DNAAF6: variants seen among roughly 807,000 people sequenced by gnomAD.
DNAAF6 encodes PIH1 domain containing 3.
In DNAAF6, 3 loss-of-function variants were observed where a neutral mutation model predicts 13.7. The observed-to-expected ratio is 0.22, with a 90% CI of 0.10 to 0.56. The LOEUF is 0.56. DNAAF6 is among the 20% of genes least tolerant of loss of function. The pLI is 0.92. For missense variants in DNAAF6, 130 were observed against 151.0 expected (o/e 0.86, Z 0.73); for synonymous variants, 54 against 49.2 (o/e 1.10, Z -0.41).
chrX:107,231,280 C>T (rs918629527), intron 5 of DNAAF6, among the ~76,000 whole-genome samples: 3 of 111,341 alleles, frequency 2.7e-5, no homozygotes, highest in Non-Finnish European at 5.6e-5. Flanking sequence ...AACAATTGAA[C>T]TCATGGACAT....
intron 5 of DNAAF6, among the ~76,000 whole-genome samples, chrX:107,238,395 G>T (rs1368954594): frequency 9.0e-6 from 1 of 111,026 alleles, no homozygotes; most frequent in Non-Finnish European, 1.9e-5. Context: ...TTGTCCTTTT[G>T]GGGAGGTGGG....
chrX:107,232,301 T>C (rs1928421516), intron 5 of DNAAF6, among the ~76,000 whole-genome samples: 1 of 109,960 alleles, frequency 9.1e-6, no homozygotes, highest in Non-Finnish European at 1.9e-5. Context: ...CTTGTGGCTT[T>C]CCACAACTTA....
At chrX:107,213,251 T>C (rs189491936) in intron 2 of DNAAF6, among the ~76,000 whole-genome samples, 1 of 112,264 alleles carries the variant, frequency 8.9e-6, no homozygotes, top group African/African-American at 3.2e-5. Context: ...AGGAAAATAG[T>C]TCTGTAACTG....
At chrX:107,243,061 G>GT in intron 6 of DNAAF6, 108 bp from the exon 7 acceptor site, 1 of 841,985 alleles carries the variant, frequency 1.2e-6, no homozygotes. Context: ...AATATTGGGG[G>GT]GGGGTTGTTT....
intron 4 of DNAAF6, among the ~76,000 whole-genome samples, chrX:107,222,479 A>G (rs756891946): frequency 3.6e-5 from 4 of 110,931 alleles, no homozygotes; most frequent in Non-Finnish European, 7.6e-5. Context: ...AGTTCCCTCA[A>G]TCTATTTTAT....
chrX:107,219,124 TC>T (rs762970033), intron 4 of DNAAF6, among the ~76,000 whole-genome samples, 155 bp downstream of exon 4: 1 of 112,368 alleles, frequency 8.9e-6, no homozygotes, highest in Non-Finnish European at 1.9e-5. Context: ...ATTATTTTTT[TC>T]CTTCTAGAGC....
chrX:107,207,948 G>A (rs1271050034), intron 1 of DNAAF6, among the ~76,000 whole-genome samples: 1 of 110,780 alleles, frequency 9.0e-6, no homozygotes, highest in Admixed American at 9.5e-5. Context: ...TACTCCACCT[G>A]TATCTAAAAA....
intron 4 of DNAAF6, 39 bp downstream of exon 4, chrX:107,219,008 A>T (rs761990379): frequency 8.9e-7 from 1 of 1,123,920 alleles, no homozygotes; most frequent in South Asian, 2.4e-5. Flanking sequence ...TAGGAGTTTA[A>T]GTTAGCTGTG....
chrX:107,212,822 T>C (rs1927887655), intron 1 of DNAAF6, 51 bp from the exon 2 acceptor site: 1 of 1,100,400 alleles, frequency 9.1e-7, no homozygotes, highest in Non-Finnish European at 1.2e-6. Flanking sequence ...CTTCATGTCT[T>C]AAATAAAACA....
intron 1 of DNAAF6, among the ~76,000 whole-genome samples, 172 bp downstream of exon 1, chrX:107,206,862 TTC>T (rs912577469): frequency 9.0e-6 from 1 of 111,685 alleles, no homozygotes; most frequent in African/African-American, 3.3e-5. Context: ...TCCTAGACTC[TTC>T]ACTAAATCCC....
At position 107,243,491 on chromosome X, in the gene DNAAF6, C is replaced by A. The variant is rs1875116190; in HGVS notation, c.*193C>A. 2.0e-6 allele frequency: 1 copy of A among 497,263 alleles called. No homozygotes were observed. Among genetic ancestry groups the A allele is most frequent in the Admixed American group, 5.1e-5 (1 of 19,634 alleles). The allele number at this position is 497,263 out of a possible 1,213,427, so 41.0% of individuals were successfully genotyped here. ...CTGTTAGGAAATATGTTTCCTTGGC[C>A]AGGTGCAATGGCTCATGCCTGTAAT... is the stretch of plus-strand genomic sequence containing the variant. On this transcript the variant is annotated 3_prime_UTR_variant, in exon 7 of 7. Transcript: ENST00000372453.
At chrX:107,209,052 A>C (rs894079889) in intron 1 of DNAAF6, among the ~76,000 whole-genome samples, 6 of 111,845 alleles carry the variant, frequency 5.4e-5, no homozygotes, top group Non-Finnish European at 1.1e-4. Flanking sequence ...TAGTATTGTA[A>C]AGATAAATTC....
chrX:107,209,704 G>A (rs1927808246), intron 1 of DNAAF6, among the ~76,000 whole-genome samples: 1 of 112,146 alleles, frequency 8.9e-6, no homozygotes, highest in Non-Finnish European at 1.9e-5. Context: ...AAAGTGCTGG[G>A]ATTACAGACG....
intron 5 of DNAAF6, among the ~76,000 whole-genome samples, chrX:107,234,329 T>A (rs1163043392): frequency 2.7e-5 from 3 of 112,438 alleles, no homozygotes; most frequent in Non-Finnish European, 3.8e-5. Flanking sequence ...AGCAGAGATC[T>A]AATGCCTTTA....
At chrX:107,220,157 A>G (rs1928089863) in intron 4 of DNAAF6, among the ~76,000 whole-genome samples, 1 of 112,195 alleles carries the variant, frequency 8.9e-6, no homozygotes, top group Admixed American at 9.5e-5. Flanking sequence ...TGCCTTCTAC[A>G]TAAGTTCTGA....
intron 4 of DNAAF6, among the ~76,000 whole-genome samples, chrX:107,219,930 C>G (rs1342163032): frequency 9.0e-6 from 1 of 110,662 alleles, no homozygotes; most frequent in Non-Finnish European, 1.9e-5. Context: ...TCCCATGTAG[C>G]TGGAACTACA....
chrX:107,224,573 G>A (rs1321831326), intron 5 of DNAAF6, among the ~76,000 whole-genome samples: 1 of 111,202 alleles, frequency 9.0e-6, no homozygotes, highest in Non-Finnish European at 1.9e-5. Context: ...ATATTTAGAG[G>A]CAAACACCAT....
At chrX:107,234,985 T>C (rs1048953259) in intron 5 of DNAAF6, among the ~76,000 whole-genome samples, 2 of 111,834 alleles carry the variant, frequency 1.8e-5, no homozygotes, top group African/African-American at 6.5e-5. Flanking sequence ...AAAGAAGAGA[T>C]TTGAAACTCA....
intron 2 of DNAAF6, among the ~76,000 whole-genome samples, chrX:107,214,360 G>A (rs1347089607): frequency 9.0e-6 from 1 of 111,626 alleles, no homozygotes; most frequent in Non-Finnish European, 1.9e-5. Context: ...TATAGAAAAA[G>A]TATATCAAGT....
Sources: allele counts gnomAD v4.1 joint callset (sites outside exome capture counted in the v4.1 genomes callset), GRCh38; gene constraint gnomAD v4.1.1; transcripts MANE v1.5; gene names NCBI Gene and HGNC (gene_info 2026-07-23, HGNC 2026-07-21).